The following UBL3 variants were observed in gnomAD, a reference collection of about 807,000 sequenced individuals.
The protein encoded by UBL3 is ubiquitin-like protein 3.
Under a neutral mutation model 18.4 loss-of-function variants are expected in UBL3, and 6 were observed. The observed-to-expected ratio is 0.33, with a 90% CI of 0.18 to 0.64. UBL3 has a LOEUF of 0.64. Ranked by LOEUF, UBL3 falls within the 30% of genes least tolerant of loss-of-function variation. UBL3 has a pLI of 0.76. For missense variants in UBL3, 109 were observed against 142.9 expected (o/e 0.76, Z 1.21); for synonymous variants, 49 against 46.6 (o/e 1.05, Z -0.21).
At chr13:29,769,264 G>C (rs1201882075) in intron 3 of UBL3, among the ~76,000 whole-genome samples, 1 of 152,054 alleles carries the variant, frequency 6.6e-6, no homozygotes, top group East Asian at 1.9e-4. Flanking sequence ...AAGCTCCTGA[G>C]AGGCTTACCA....
chr13:29,813,360 T>C (rs1416382807), intron 1 of UBL3, among the ~76,000 whole-genome samples: 3 of 152,048 alleles, frequency 2.0e-5, no homozygotes, highest in African/African-American at 7.2e-5. Context: ...TTGAAAGTCA[T>C]AAATCTTTTT....
chr13:29,804,435 T>C (rs1444351064), intron 1 of UBL3, among the ~76,000 whole-genome samples: 2 of 151,892 alleles, frequency 1.3e-5, no homozygotes, highest in African/African-American at 2.4e-5. Context: ...TAAGAGCAAA[T>C]TAAGCCCAAA....
chr13:29,835,150 ATATATATATATATATATATATAT>A (rs1878919958), intron 1 of UBL3, among the ~76,000 whole-genome samples: 1 of 26,524 alleles, frequency 3.8e-5, no homozygotes, highest in Non-Finnish European at 6.9e-5. Flanking sequence ...ATATATATAT[ATATATATATATATATATATATAT>A]ATATATATAT....
rs1028363910 is a variant in UBL3, at chr13:29,766,493, A to G, written c.*762T>C. ...TGAGTGACTGAAACTACCCTCCCAC[A>G]TTAAGGCTAGGAGACGCACTCTCAC... On this transcript the variant is annotated 3_prime_UTR_variant, in exon 5 of 5. Coordinates refer to ENST00000380680, the MANE Select transcript of UBL3 (RefSeq NM_007106.4). 1 of 152,592 alleles carries G rather than the reference A, an allele frequency of 6.6e-6. No homozygotes were observed. Among genetic ancestry groups the G allele is most frequent in the African/African-American group, 2.4e-5 (1 of 41,446 alleles). 9.5% of individuals were successfully genotyped at this position (152,592 alleles called of 1,614,324 possible).
At chr13:29,830,864 TA>T (rs1878753059) in intron 1 of UBL3, among the ~76,000 whole-genome samples, 2 of 152,208 alleles carry the variant, frequency 1.3e-5, no homozygotes, top group African/African-American at 4.8e-5. Flanking sequence ...AGAATTATAT[TA>T]AAAACACTCT....
intron 1 of UBL3, among the ~76,000 whole-genome samples, chr13:29,828,728 T>C (rs1431391109): frequency 2.6e-5 from 4 of 152,228 alleles, no homozygotes; most frequent in Non-Finnish European, 5.9e-5. Context: ...AGGAGCTGCA[T>C]TGTTTGGAGG....
At chr13:29,848,873 CTACTATTAA>C (rs1337362273) in intron 1 of UBL3, among the ~76,000 whole-genome samples, 2 of 152,206 alleles carry the variant, frequency 1.3e-5, no homozygotes, top group Non-Finnish European at 2.9e-5. Context: ...AATATGGAAT[CTACTATTAA>C]TAAATATCTG....
At position 29,794,452 on chromosome 13, in the gene UBL3, T is replaced by C. The variant is rs181043067; in HGVS notation, c.28-17189A>G. On this transcript the variant is annotated intron_variant, in intron 1 of 4. Transcript: ENST00000380680. ...TAGGTGAAAACTAAGTACCCAGGTA[T>C]AGGTTAACTGAATTTAGAGAATAAT... Among the ~76,000 whole-genome samples, 302 of 152,312 alleles carry C rather than the reference T, an allele frequency of 2.0e-3. 1 individual carries two copies. The highest frequency in any genetic ancestry group is 6.9e-3 in the African/African-American group (286 of 41,564).
chr13:29,802,675 T>C (rs561364324), intron 1 of UBL3, among the ~76,000 whole-genome samples: 1 of 152,274 alleles, frequency 6.6e-6, no homozygotes, highest in South Asian at 2.1e-4. Flanking sequence ...CAAGTATTAA[T>C]GGCAGAATAA....
chr13:29,800,035 TA>T (rs1474005362), intron 1 of UBL3, among the ~76,000 whole-genome samples: 1 of 152,024 alleles, frequency 6.6e-6, no homozygotes, highest in African/African-American at 2.4e-5. Flanking sequence ...GGGCAGGGAA[TA>T]GGGGGATGAC....
intron 1 of UBL3, among the ~76,000 whole-genome samples, chr13:29,831,219 G>T (rs932078588): frequency 3.9e-5 from 6 of 152,040 alleles, no homozygotes; most frequent in Non-Finnish European, 5.9e-5. Flanking sequence ...CTTTCCTGAT[G>T]AGTAATTTCA....
At chr13:29,845,106 T>C (rs2139371442) in intron 1 of UBL3, among the ~76,000 whole-genome samples, 1 of 152,000 alleles carries the variant, frequency 6.6e-6, no homozygotes, top group South Asian at 2.1e-4. Flanking sequence ...TAAAGAAAAA[T>C]GGTTTACAAG....
chr13:29,767,069 A>G lies in UBL3; in HGVS notation c.*186T>C. The G allele has an allele frequency of 2.0e-6, 1 of 497,448 alleles. No homozygotes were observed. Among genetic ancestry groups the G allele is most frequent in the South Asian group, 5.5e-5 (1 of 18,210 alleles). The allele number at this position is 497,448 out of a possible 1,614,324, so 30.8% of individuals were successfully genotyped here. A position where few individuals can be genotyped will look rare whatever the true frequency, so the allele number is the denominator to read the frequency against. ...CAAAAAATACAAGAAATAAAAAATC[A>G]GAGTGAAAAATGTTCTTGGTTCTTT... On this transcript the variant is annotated 3_prime_UTR_variant, in exon 5 of 5. Transcript: ENST00000380680.
At chr13:29,820,401 C>G (rs762271557) in intron 1 of UBL3, among the ~76,000 whole-genome samples, 3 of 152,028 alleles carry the variant, frequency 2.0e-5, no homozygotes, top group Non-Finnish European at 4.4e-5. Context: ...GTCTTGAACT[C>G]CTGACCTCAG....
At chr13:29,783,364 C>A (rs890233736) in intron 1 of UBL3, among the ~76,000 whole-genome samples, 3 of 152,174 alleles carry the variant, frequency 2.0e-5, no homozygotes, top group East Asian at 3.8e-4. Flanking sequence ...ACAGATTGGT[C>A]TTAATTGGGC....
chr13:29,841,254 T>C (rs969392500), intron 1 of UBL3, among the ~76,000 whole-genome samples: 2 of 97,300 alleles, frequency 2.1e-5, no homozygotes, highest in African/African-American at 3.9e-5. Context: ...GACCAACCAA[T>C]AGAGAATCTC....
intron 2 of UBL3, among the ~76,000 whole-genome samples, chr13:29,773,477 T>G (rs927138302): frequency 1.3e-5 from 2 of 152,190 alleles, no homozygotes; most frequent in African/African-American, 4.8e-5. Flanking sequence ...TATTGTTTAA[T>G]AGAATATTTC....
At chr13:29,819,615 C>A (rs559090654) in intron 1 of UBL3, among the ~76,000 whole-genome samples, 6 of 152,254 alleles carry the variant, frequency 3.9e-5, no homozygotes, top group African/African-American at 1.4e-4. Context: ...AATTAAAATA[C>A]TAGGATACTG....
chr13:29,778,028 A>G (rs1877048563), intron 1 of UBL3, among the ~76,000 whole-genome samples: 1 of 152,200 alleles, frequency 6.6e-6, no homozygotes, highest in Non-Finnish European at 1.5e-5. Flanking sequence ...TAGCCTCTCG[A>G]ACTGCTGGGA....
Sources: gnomAD v4.1 joint callset for allele counts (sites outside exome capture counted in the v4.1 genomes callset) on GRCh38, gnomAD v4.1.1 for gene constraint, MANE v1.5 for transcripts, NCBI Gene and HGNC (gene_info 2026-07-23, HGNC 2026-07-21) for gene names.